GRID2: variants seen among roughly 807,000 people sequenced by gnomAD.
GRID2 encodes the protein glutamate receptor ionotropic, delta-2.
Under a neutral mutation model 114.8 loss-of-function variants are expected in GRID2, and 33 were observed. The observed-to-expected ratio is 0.29, with a 90% CI of 0.22 to 0.38. GRID2 has a LOEUF of 0.38. GRID2 is among the 10% of genes least tolerant of loss of function. The pLI is 1.00. For synonymous variants in GRID2, 505 were observed against 449.9 expected (o/e 1.12, Z -1.55); for missense variants, 1,184 against 1,257.7 (o/e 0.94, Z 0.89).
At chr4:93,005,157 A>G (rs2149221808) in intron 2 of GRID2, among the ~76,000 whole-genome samples, 1 of 152,214 alleles carries the variant, frequency 6.6e-6, no homozygotes, top group South Asian at 2.1e-4. Flanking sequence ...ACAGTTTCAA[A>G]ATAGGAACTG....
chr4:92,947,387 C>A (rs927531241), intron 2 of GRID2, among the ~76,000 whole-genome samples: 1 of 151,972 alleles, frequency 6.6e-6, no homozygotes, highest in Admixed American at 6.6e-5. Context: ...CTTCCCTAAG[C>A]AATCACAAAG....
intron 4 of GRID2, among the ~76,000 whole-genome samples, chr4:93,124,157 G>A (rs1734063323): frequency 6.6e-6 from 1 of 151,476 alleles, no homozygotes; most frequent in African/African-American, 2.4e-5. Context: ...GAATTTGGCA[G>A]TGTTTGTCTA....
chr4:93,075,934 C>T (rs542283979), intron 2 of GRID2, among the ~76,000 whole-genome samples: 3 of 105,714 alleles, frequency 2.8e-5, no homozygotes, highest in South Asian at 6.7e-4. Flanking sequence ...GATGGAGTCT[C>T]GCTCTGTCAC....
intron 4 of GRID2, among the ~76,000 whole-genome samples, chr4:93,146,188 C>T (rs1406589791): frequency 6.6e-6 from 1 of 152,056 alleles, no homozygotes; most frequent in African/African-American, 2.4e-5. Flanking sequence ...TAAAACCCAA[C>T]CGCATATTTA....
At chr4:92,640,944 G>T (rs1218080890) in intron 2 of GRID2, among the ~76,000 whole-genome samples, 1 of 151,640 alleles carries the variant, frequency 6.6e-6, no homozygotes, top group Non-Finnish European at 1.5e-5. Flanking sequence ...ATGCTATTAA[G>T]TTATCTGTTT....
At chr4:92,311,051 T>C (rs1389619489) in intron 1 of GRID2, among the ~76,000 whole-genome samples, 1 of 152,036 alleles carries the variant, frequency 6.6e-6, no homozygotes, top group African/African-American at 2.4e-5. Context: ...TGTTTTCGAT[T>C]TTGTTTTCGT....
At chr4:92,554,073 A>G (rs1464809516) in intron 1 of GRID2, among the ~76,000 whole-genome samples, 1 of 152,196 alleles carries the variant, frequency 6.6e-6, no homozygotes, top group African/African-American at 2.4e-5. Context: ...TGAAAATCAC[A>G]TAGGTATGTA....
At chr4:93,594,525 C>T (rs2149624075) in intron 13 of GRID2, among the ~76,000 whole-genome samples, 2 of 152,224 alleles carry the variant, frequency 1.3e-5, no homozygotes, top group East Asian at 3.9e-4. Flanking sequence ...GTGCCCTGCC[C>T]CCAGAGGTGG....
At chr4:92,840,357 A>AT (rs1020088392) in intron 2 of GRID2, among the ~76,000 whole-genome samples, 5 of 151,578 alleles carry the variant, frequency 3.3e-5, no homozygotes, top group Admixed American at 2.0e-4. Flanking sequence ...AACTCCTGCC[A>AT]TTTTTTTAAA....
chr4:93,042,743 A>T (rs1426694376), intron 2 of GRID2, among the ~76,000 whole-genome samples: 1 of 149,004 alleles, frequency 6.7e-6, no homozygotes, highest in African/African-American at 2.5e-5. Context: ...ATAGAGAGAT[A>T]AAATGAGAAA....
intron 1 of GRID2, among the ~76,000 whole-genome samples, chr4:92,485,368 T>TGTGG (rs1722833357): frequency 2.9e-5 from 4 of 136,086 alleles, no homozygotes; most frequent in African/African-American, 1.1e-4. Flanking sequence ...TGTGTGTGTG[T>TGTGG]GAGTGTATGT....
intron 12 of GRID2, among the ~76,000 whole-genome samples, chr4:93,512,563 A>G (rs1382343285): frequency 6.6e-6 from 1 of 152,130 alleles, no homozygotes; most frequent in African/African-American, 2.4e-5. Context: ...GAAAACCTGT[A>G]ATTTTTATTG....
intron 1 of GRID2, among the ~76,000 whole-genome samples, chr4:92,444,047 G>T (rs1054341604): frequency 2.0e-5 from 3 of 152,204 alleles, no homozygotes; most frequent in South Asian, 2.1e-4. Flanking sequence ...GTCAGAAGAG[G>T]CCGCTTAACT....
At chr4:92,417,205 C>T (rs748016665) in intron 1 of GRID2, among the ~76,000 whole-genome samples, 6 of 152,032 alleles carry the variant, frequency 3.9e-5, no homozygotes, top group Non-Finnish European at 8.8e-5. Flanking sequence ...AAATAATACA[C>T]AATAATCATG....
intron 1 of GRID2, among the ~76,000 whole-genome samples, chr4:92,577,279 G>C (rs1727940057): frequency 6.6e-6 from 1 of 152,010 alleles, no homozygotes; most frequent in Non-Finnish European, 1.5e-5. Context: ...TTCTCATATA[G>C]AGTATACAGG....
intron 1 of GRID2, among the ~76,000 whole-genome samples, chr4:93,792,957 C>T (rs757364218): frequency 1.1e-4 from 17 of 152,154 alleles, no homozygotes; most frequent in Admixed American, 2.0e-4. Flanking sequence ...TTTTTCCCAC[C>T]TCTTCTAGTT....
chr4:93,805,977 G>A (rs1455521149), intron 1 of GRID2, among the ~76,000 whole-genome samples: 2 of 151,994 alleles, frequency 1.3e-5, no homozygotes, highest in African/African-American at 4.8e-5. Context: ...TGTGCCTGTG[G>A]TCCCAGCTAC....
At chr4:92,705,771 A>G (rs934103275) in intron 2 of GRID2, among the ~76,000 whole-genome samples, 6 of 152,258 alleles carry the variant, frequency 3.9e-5, no homozygotes, top group East Asian at 1.9e-4. Flanking sequence ...TGGTTTTTCT[A>G]TTGTATGTAT....
chr4:92,842,749 A>C (rs1247971291), intron 2 of GRID2, among the ~76,000 whole-genome samples: 1 of 152,174 alleles, frequency 6.6e-6, no homozygotes, highest in African/African-American at 2.4e-5. Flanking sequence ...GTGGGATTAC[A>C]GGCATGAGCC....
Sources: allele counts gnomAD v4.1 joint callset (sites outside exome capture counted in the v4.1 genomes callset), GRCh38; gene constraint gnomAD v4.1.1; transcripts MANE v1.5; gene names NCBI Gene and HGNC (gene_info 2026-07-23, HGNC 2026-07-21).